The following RIN2 variants were observed in gnomAD, a reference collection of about 807,000 sequenced individuals.
The protein encoded by RIN2 is Ras and Rab interactor 2.
Under a neutral mutation model 78.0 loss-of-function variants are expected in RIN2, and 36 were observed. The ratio of observed to expected loss-of-function variants is 0.46; its 90% confidence interval spans 0.35 to 0.61. RIN2 has a LOEUF of 0.61. RIN2 is among the 20% of genes least tolerant of loss of function. The pLI is 0.00. For synonymous variants in RIN2, 466 were observed against 466.8 expected (o/e 1.00, Z 0.02); for missense variants, 1,087 against 1,159.7 (o/e 0.94, Z 0.91).
At chr20:19,999,211 G>A (rs1053183025) in intron 12 of RIN2, among the ~76,000 whole-genome samples, 1 of 152,070 alleles carries the variant, frequency 6.6e-6, no homozygotes, top group Non-Finnish European at 1.5e-5. Flanking sequence ...CTTTGGGCAA[G>A]TTACGTAGCC....
intron 1 of RIN2, among the ~76,000 whole-genome samples, chr20:19,764,918 GTTTTTTTTTTTTTT>G (rs10605325): frequency 4.0e-5 from 2 of 50,390 alleles, no homozygotes; most frequent in South Asian, 3.0e-3. Context: ...CACTTTCTGC[GTTTTTTTTTTTTTT>G]TTTTTTTTTT....
intron 2 of RIN2, among the ~76,000 whole-genome samples, chr20:19,885,161 T>G (rs4813378): frequency 0.12 from 18,985 of 152,180 alleles, 1,413 homozygotes; most frequent in East Asian, 0.29. Flanking sequence ...GAATCCAATA[T>G]AATTGCTTTT....
intron 2 of RIN2, among the ~76,000 whole-genome samples, chr20:19,851,074 A>C (rs914358518): frequency 2.0e-5 from 3 of 150,910 alleles, no homozygotes; most frequent in African/African-American, 7.3e-5. Flanking sequence ...GGAAGGAAGG[A>C]AGGAAGGAAG....
chr20:19,983,541 CA>C (rs11480055), intron 9 of RIN2, among the ~76,000 whole-genome samples: 16 of 151,498 alleles, frequency 1.1e-4, no homozygotes, highest in East Asian at 3.9e-4. Context: ...GACTTCCCTA[CA>C]AAAAAAAGGC....
intron 3 of RIN2, among the ~76,000 whole-genome samples, chr20:19,913,261 A>C (rs185878214): frequency 4.6e-5 from 7 of 152,140 alleles, no homozygotes; most frequent in Non-Finnish European, 1.0e-4. Flanking sequence ...GATAAAGCAT[A>C]CATAACATAA....
chr20:19,872,162 C>G (rs999327863), intron 2 of RIN2: 2 of 152,112 alleles, frequency 1.3e-5, no homozygotes, highest in African/African-American at 4.8e-5. Flanking sequence ...TTTCACTCGT[C>G]TCTCTCCTGC....
chr20:19,854,035 C>A (rs1369735597), intron 2 of RIN2, among the ~76,000 whole-genome samples: 1 of 152,126 alleles, frequency 6.6e-6, no homozygotes, highest in Non-Finnish European at 1.5e-5. Context: ...AGTCTTTAAT[C>A]CATCTTGAAT....
intron 12 of RIN2, among the ~76,000 whole-genome samples, chr20:19,997,402 G>A (rs2043003680): frequency 6.6e-6 from 1 of 152,156 alleles, no homozygotes; most frequent in Admixed American, 6.6e-5. Flanking sequence ...GCTGCTGCTT[G>A]GGAATGTGGG....
chr20:19,987,873 A>C (rs939159849), intron 9 of RIN2, among the ~76,000 whole-genome samples: 4 of 152,190 alleles, frequency 2.6e-5, no homozygotes, highest in Non-Finnish European at 5.9e-5. Flanking sequence ...TTAAACAAAG[A>C]GATCTCCTGG....
At chr20:19,974,390 G>A (rs948673757) in intron 8 of RIN2, among the ~76,000 whole-genome samples, 7 of 152,146 alleles carry the variant, frequency 4.6e-5, no homozygotes, top group East Asian at 1.9e-4. Context: ...TGAAAAGGCA[G>A]GGCTGGAATC....
chr20:19,835,306 G>A (rs1035911411), intron 2 of RIN2, among the ~76,000 whole-genome samples: 1 of 152,256 alleles, frequency 6.6e-6, no homozygotes, highest in Non-Finnish European at 1.5e-5. Flanking sequence ...TGTGGTGGTG[G>A]TGAATGTGTG....
chr20:19,858,663 T>C (rs1048712202), intron 2 of RIN2, among the ~76,000 whole-genome samples: 3 of 152,314 alleles, frequency 2.0e-5, no homozygotes, highest in East Asian at 1.9e-4. Context: ...TTCTTGACCA[T>C]ATCCAGGAAA....
At chr20:19,779,458 C>T (rs984072311) in intron 1 of RIN2, among the ~76,000 whole-genome samples, 4 of 152,270 alleles carry the variant, frequency 2.6e-5, no homozygotes, top group Admixed American at 6.5e-5. Context: ...CCTCAGGGCA[C>T]GGGTCACTAG....
At chr20:19,844,661 T>C (rs1335463175) in intron 2 of RIN2, among the ~76,000 whole-genome samples, 8 of 136,078 alleles carry the variant, frequency 5.9e-5, no homozygotes, top group South Asian at 2.4e-4. Flanking sequence ...CTTCTTCTTC[T>C]TCTTCTTCCT....
intron 3 of RIN2, among the ~76,000 whole-genome samples, chr20:19,916,997 C>T (rs192592921): frequency 2.1e-4 from 32 of 151,414 alleles, no homozygotes; most frequent in African/African-American, 6.5e-4. Flanking sequence ...GAGTTTACAA[C>T]GAGAAAAAGT....
At chr20:19,884,072 G>T (rs1402965232) in intron 2 of RIN2, among the ~76,000 whole-genome samples, 5 of 151,364 alleles carry the variant, frequency 3.3e-5, no homozygotes, top group Non-Finnish European at 7.4e-5. Flanking sequence ...AAGTGCTTGG[G>T]ATTATAGGCA....
chr20:19,967,462 CAAGTA>C (rs1453057037), intron 7 of RIN2, among the ~76,000 whole-genome samples: 2 of 152,136 alleles, frequency 1.3e-5, no homozygotes, highest in Non-Finnish European at 2.9e-5. Flanking sequence ...TAAATATATT[CAAGTA>C]AAGAAAGTGA....
intron 9 of RIN2, among the ~76,000 whole-genome samples, chr20:19,983,603 T>TAA (rs11482922): frequency 7.9e-5 from 12 of 151,872 alleles, no homozygotes; most frequent in South Asian, 4.2e-4. Context: ...TTTACCTTTT[T>TAA]AAAAAAAAAT....
intron 5 of RIN2, among the ~76,000 whole-genome samples, chr20:19,959,873 G>A (rs552929676): frequency 1.3e-5 from 2 of 152,168 alleles, no homozygotes; most frequent in African/African-American, 4.8e-5. Context: ...GCAGTGCACG[G>A]CCTACACAAC....
Sources: gnomAD v4.1 joint callset for allele counts (sites outside exome capture counted in the v4.1 genomes callset) on GRCh38, gnomAD v4.1.1 for gene constraint, MANE v1.5 for transcripts, NCBI Gene and HGNC (gene_info 2026-07-23, HGNC 2026-07-21) for gene names.